The following ANO3 variants were observed in gnomAD, a reference collection of about 807,000 sequenced individuals.
ANO3 encodes the protein anoctamin 3.
In ANO3, 99 loss-of-function variants were observed where a neutral mutation model predicts 144.8. The ratio of observed to expected loss-of-function variants is 0.68; its 90% CI spans 0.58 to 0.81. The LOEUF is 0.81. Ranked by LOEUF, ANO3 falls within the 30% of genes least tolerant of loss-of-function variation. ANO3 has a pLI of 0.00. For synonymous variants in ANO3, 414 were observed against 392.6 expected (o/e 1.05, Z -0.64); for missense variants, 905 against 1,202.2 (o/e 0.75, Z 3.66).
At chr11:26,375,067 A>G (rs528339167) in intron 1 of ANO3, among the ~76,000 whole-genome samples, 1 of 152,270 alleles carries the variant, frequency 6.6e-6, no homozygotes, top group South Asian at 2.1e-4. Flanking sequence ...TTCTATTATT[A>G]TTACATACTC....
chr11:26,333,893 C>G (rs1381388111), intron 1 of ANO3, among the ~76,000 whole-genome samples: 1 of 152,154 alleles, frequency 6.6e-6, no homozygotes, highest in Non-Finnish European at 1.5e-5. Flanking sequence ...CATACATAAA[C>G]TTTCAGAATG....
At chr11:26,359,265 G>C (rs1855862094) in intron 1 of ANO3, among the ~76,000 whole-genome samples, 1 of 152,138 alleles carries the variant, frequency 6.6e-6, no homozygotes, top group South Asian at 2.1e-4. Context: ...GTTCTGTGAG[G>C]TGGGACCAGG....
At chr11:26,392,545 T>C (rs568748663) in intron 1 of ANO3, among the ~76,000 whole-genome samples, 1 of 152,212 alleles carries the variant, frequency 6.6e-6, no homozygotes, top group Non-Finnish European at 1.5e-5. Context: ...TTTATAGTTG[T>C]CTGCAGGGTG....
chr11:26,190,563 G>T (rs1851455185), intron 1 of ANO3, among the ~76,000 whole-genome samples: 2 of 151,568 alleles, frequency 1.3e-5, no homozygotes, highest in African/African-American at 4.9e-5. Flanking sequence ...ATAAAAAATT[G>T]ATAGTTTAAA....
At chr11:26,560,845 G>T (rs1017451570) in intron 14 of ANO3, 1 of 422,666 alleles carries the variant, frequency 2.4e-6, no homozygotes. Context: ...TACAAATTAA[G>T]GCTACTTAGT....
chr11:26,634,033 G>T (rs545934525), intron 18 of ANO3, among the ~76,000 whole-genome samples, 171 bp from the exon 19 acceptor site: 9 of 147,666 alleles, frequency 6.1e-5, no homozygotes, highest in Non-Finnish European at 1.2e-4. Flanking sequence ...AGCCAAGATT[G>T]TGCCACTGTA....
At chr11:26,299,745 A>T (rs564582780) in intron 1 of ANO3, among the ~76,000 whole-genome samples, 19 of 152,236 alleles carry the variant, frequency 1.2e-4, no homozygotes, top group African/African-American at 4.6e-4. Context: ...GTCCTGAAGT[A>T]GGAGTGAGGG....
intron 5 of ANO3, among the ~76,000 whole-genome samples, chr11:26,508,944 G>A (rs188479121): frequency 2.0e-5 from 3 of 151,730 alleles, no homozygotes; most frequent in East Asian, 1.9e-4. Context: ...CAAATCATAC[G>A]CTTCTCTCCT....
At chr11:26,575,862 A>G (rs954528498) in intron 14 of ANO3, among the ~76,000 whole-genome samples, 3 of 152,160 alleles carry the variant, frequency 2.0e-5, no homozygotes, top group African/African-American at 4.8e-5. Context: ...AGTGTCCACT[A>G]TATCTTTTTA....
chr11:26,312,561 A>C (rs1478675124), intron 1 of ANO3, among the ~76,000 whole-genome samples: 1 of 152,118 alleles, frequency 6.6e-6, no homozygotes, highest in South Asian at 2.1e-4. Flanking sequence ...ATGGTATCTC[A>C]TTATGGTTTT....
intron 1 of ANO3, among the ~76,000 whole-genome samples, chr11:26,316,222 A>C (rs935703979): frequency 6.6e-6 from 1 of 152,162 alleles, no homozygotes; most frequent in Non-Finnish European, 1.5e-5. Context: ...AGATAGTGAA[A>C]GCTGGGTCCA....
At chr11:26,630,583 C>T (rs1009327909) in intron 18 of ANO3, among the ~76,000 whole-genome samples, 1 of 152,168 alleles carries the variant, frequency 6.6e-6, no homozygotes, top group Non-Finnish European at 1.5e-5. Flanking sequence ...GTTTATAAGG[C>T]ATTTAGATAA....
At chr11:26,473,140 C>G (rs1315653917) in intron 4 of ANO3, among the ~76,000 whole-genome samples, 1 of 151,864 alleles carries the variant, frequency 6.6e-6, no homozygotes, top group African/African-American at 2.4e-5. Context: ...TTTTCTATTT[C>G]TTGAACCTGC....
upstream of ANO3, among the ~76,000 whole-genome samples, chr11:26,306,001 C>G (rs1478051643): frequency 1.3e-5 from 2 of 152,158 alleles, no homozygotes; most frequent in Non-Finnish European, 2.9e-5. Context: ...CGCTGTCGCC[C>G]AGGCTGGAGT....
intron 1 of ANO3, among the ~76,000 whole-genome samples, chr11:26,421,098 T>C (rs1857738031): frequency 6.6e-6 from 1 of 151,980 alleles, no homozygotes; most frequent in South Asian, 2.1e-4. Flanking sequence ...GGATGACAGA[T>C]CCTAACGGGA....
intron 1 of ANO3, among the ~76,000 whole-genome samples, chr11:26,213,547 G>C (rs752121946): frequency 3.9e-5 from 6 of 151,992 alleles, no homozygotes; most frequent in Non-Finnish European, 7.4e-5. Flanking sequence ...AGAGAATAAA[G>C]TACTTAGAAA....
chr11:26,432,150 A>G (rs1565021111), intron 1 of ANO3, among the ~76,000 whole-genome samples: 1 of 152,216 alleles, frequency 6.6e-6, no homozygotes, highest in East Asian at 1.9e-4. Context: ...GTATTACTCT[A>G]ATGATCAGTG....
chr11:26,513,187 A>C (rs1861733278), intron 5 of ANO3, among the ~76,000 whole-genome samples: 1 of 152,182 alleles, frequency 6.6e-6, no homozygotes, highest in South Asian at 2.1e-4. Flanking sequence ...TGGGATATTG[A>C]AGGTAAGATT....
At chr11:26,479,518 G>A (rs1860123937) in intron 4 of ANO3, among the ~76,000 whole-genome samples, 2 of 152,116 alleles carry the variant, frequency 1.3e-5, no homozygotes, top group East Asian at 1.9e-4. Flanking sequence ...GGGGCAGGCA[G>A]AGAGTTTGGG....
Sources: gnomAD v4.1 joint callset for allele counts (sites outside exome capture counted in the v4.1 genomes callset) on GRCh38, gnomAD v4.1.1 for gene constraint, MANE v1.5 for transcripts, NCBI Gene and HGNC (gene_info 2026-07-23, HGNC 2026-07-21) for gene names.